Variants in OSBPL1A observed in about 807,000 individuals in gnomAD.
OSBPL1A encodes oxysterol-binding protein-related protein 1.
In OSBPL1A, 80 loss-of-function variants were observed where a neutral mutation model predicts 137.1. That is an observed-to-expected ratio of 0.58 (90% confidence interval 0.49 to 0.70). OSBPL1A has a LOEUF of 0.70. Ranked by LOEUF, OSBPL1A falls within the 30% of genes least tolerant of loss-of-function variation. The probability of loss-of-function intolerance (pLI) is 0.00; values close to 1 mark genes in which losing one functional copy is unlikely to be tolerated. For synonymous variants in OSBPL1A, 365 were observed against 389.7 expected (o/e 0.94, Z 0.75); for missense variants, 970 against 1,129.4 (o/e 0.86, Z 2.02).
At chr18:24,251,189 C>T (rs752596951) in intron 15 of OSBPL1A, among the ~76,000 whole-genome samples, 3 of 152,186 alleles carry the variant, frequency 2.0e-5, no homozygotes, top group East Asian at 3.9e-4. Flanking sequence ...AAACTTGTCA[C>T]CCTGAAAGGA....
At chr18:24,198,528 A>T (rs1567939104) in intron 17 of OSBPL1A, among the ~76,000 whole-genome samples, 1 of 152,172 alleles carries the variant, frequency 6.6e-6, no homozygotes, top group Non-Finnish European at 1.5e-5. Context: ...TTTGAAAGGT[A>T]AACAGCCGTT....
At chr18:24,346,146 G>A (rs144488283) in intron 4 of OSBPL1A, among the ~76,000 whole-genome samples, 159 of 152,280 alleles carry the variant, frequency 1.0e-3, no homozygotes, top group African/African-American at 3.7e-3. Flanking sequence ...AGTTAACACA[G>A]CCGTGAATCA....
At chr18:24,240,549 C>G (rs2088660055) in intron 15 of OSBPL1A, among the ~76,000 whole-genome samples, 1 of 152,120 alleles carries the variant, frequency 6.6e-6, no homozygotes. Flanking sequence ...CCAATGTGCA[C>G]TATAGACAGA....
At chr18:24,253,264 C>T (rs77781688) in intron 15 of OSBPL1A, among the ~76,000 whole-genome samples, 1,747 of 146,830 alleles carry the variant, frequency 0.012, 32 homozygotes, top group African/African-American at 0.042. Flanking sequence ...AGAGTGAAAA[C>T]GAAGGGATAG....
Position 24,163,216 on chromosome 18 carries a change from C to G in OSBPL1A, c.2816G>C (p.Trp939Ser). Residue 939 changes from tryptophan to serine, a missense_variant, in exon 28 of 28, where the codon TGG becomes TCG. By Grantham distance (177) the Trp-to-Ser change is radical. Transcript: ENST00000319481. ...AQDWIYSGSYWDRNYFNLPDI... is the reference protein window; with the variant it reads ...AQDWIYSGSYSDRNYFNLPDI... ...AGGCAAATTGAAGTAATTTCTGTCCCAGTAGCTGCCAGAGTAAATCCAGTC... is the reference window on the plus strand; with the variant it reads ...AGGCAAATTGAAGTAATTTCTGTCCGAGTAGCTGCCAGAGTAAATCCAGTC... The G allele has an allele frequency of 6.2e-7, 1 of 1,613,422 alleles. No homozygotes were observed. The highest frequency in any genetic ancestry group is 8.5e-7 in the Non-Finnish European group (1 of 1,179,550).
At chr18:24,173,167 T>G (rs2086334316) in intron 21 of OSBPL1A, among the ~76,000 whole-genome samples, 1 of 152,164 alleles carries the variant, frequency 6.6e-6, no homozygotes, top group African/African-American at 2.4e-5. Context: ...AAATACCACA[T>G]GTTCTCATTT....
intron 14 of OSBPL1A, among the ~76,000 whole-genome samples, chr18:24,291,794 T>C (rs2090178247): frequency 6.7e-6 from 1 of 149,010 alleles, no homozygotes; most frequent in African/African-American, 2.5e-5. Context: ...AGAGATTGCC[T>C]GTAATTCCAG....
chr18:24,314,435 C>T, intron 11 of OSBPL1A, 88 bp from the exon 12 acceptor site: 1 of 863,692 alleles, frequency 1.2e-6, no homozygotes. Flanking sequence ...AAAGTAGTGA[C>T]ATGACTTAAC....
chr18:24,361,430 A>C (rs1021696560), intron 4 of OSBPL1A, among the ~76,000 whole-genome samples: 3 of 152,208 alleles, frequency 2.0e-5, no homozygotes, highest in African/African-American at 7.2e-5. Flanking sequence ...TTTATCCAAA[A>C]GTTAGTTTCC....
At chr18:24,290,082 G>T (rs574903151) in intron 14 of OSBPL1A, among the ~76,000 whole-genome samples, 8 of 151,930 alleles carry the variant, frequency 5.3e-5, no homozygotes, top group Non-Finnish European at 1.2e-4. Context: ...ATATGTGTTT[G>T]CTTTATACTA....
chr18:24,345,098 A>G (rs1466281196), intron 4 of OSBPL1A, among the ~76,000 whole-genome samples: 4 of 151,930 alleles, frequency 2.6e-5, no homozygotes, highest in Non-Finnish European at 5.9e-5. Flanking sequence ...GACTACAGGC[A>G]TGAGCCACTG....
At chr18:24,311,297 A>T (rs2090616496) in intron 13 of OSBPL1A, among the ~76,000 whole-genome samples, 1 of 152,242 alleles carries the variant, frequency 6.6e-6, no homozygotes, top group African/African-American at 2.4e-5. Flanking sequence ...AGGCAAATTC[A>T]TATATCCTGA....
chr18:24,213,791 T>C (rs901613608), intron 17 of OSBPL1A, among the ~76,000 whole-genome samples: 1 of 152,212 alleles, frequency 6.6e-6, no homozygotes, highest in African/African-American at 2.4e-5. Flanking sequence ...AAGTTAAAAT[T>C]GTATGTACAC....
chr18:24,171,169 G>A (rs1056636837), intron 23 of OSBPL1A, among the ~76,000 whole-genome samples: 4 of 151,918 alleles, frequency 2.6e-5, no homozygotes, highest in South Asian at 2.1e-4. Context: ...CAATGGCTGG[G>A]ATTACAGGTG....
intron 15 of OSBPL1A, among the ~76,000 whole-genome samples, chr18:24,243,635 G>T (rs1233253156): frequency 1.3e-5 from 2 of 152,164 alleles, no homozygotes; most frequent in African/African-American, 2.4e-5. Context: ...AGCTGCTACC[G>T]CATTCACATC....
At chr18:24,260,110 A>G (rs1247808907) in intron 15 of OSBPL1A, among the ~76,000 whole-genome samples, 2 of 152,332 alleles carry the variant, frequency 1.3e-5, no homozygotes, top group Admixed American at 6.5e-5. Context: ...CATAAACACA[A>G]TGAGATACCA....
Position 24,377,503 on chromosome 18 carries a change from G to A in OSBPL1A, c.31C>T (p.His11Tyr). Residue 11 changes from histidine (H) to tyrosine (Y), a missense_variant, in exon 2 of 28, where the codon CAT becomes TAT. His to Tyr is a moderately conservative substitution (Grantham distance 83). Around this residue, in one of 2 missense-constraint regions of OSBPL1A, gnomAD observed 647 missense variants for 672.6 expected, o/e 0.96. Coordinates refer to ENST00000319481, the MANE Select transcript of OSBPL1A (RefSeq NM_080597.4). MNTEAEQQLL[H>Y]HARNGNAEEV... ...TCAGCATTGCCATTTCTGGCGTGATGGAGAAGCTGTTGCTCCGCTTCTGTG... is the reference window on the plus strand; with the variant it reads ...TCAGCATTGCCATTTCTGGCGTGATAGAGAAGCTGTTGCTCCGCTTCTGTG... 6.2e-7 allele frequency: 1 copy of A among 1,610,458 alleles called. No individual in the cohort carries two copies. The highest frequency in any genetic ancestry group is 1.1e-5 in the South Asian group (1 of 89,852).
At chr18:24,164,452 G>A (rs553733050) in intron 27 of OSBPL1A, among the ~76,000 whole-genome samples, 1,269 of 118,258 alleles carry the variant, frequency 0.011, 27 homozygotes, top group African/African-American at 0.042. Flanking sequence ...TTTTTGAGAC[G>A]GAGTCTCGCT....
At chr18:24,259,704 A>G (rs541604527) in intron 15 of OSBPL1A, among the ~76,000 whole-genome samples, 1 of 152,286 alleles carries the variant, frequency 6.6e-6, no homozygotes, top group African/African-American at 2.4e-5. Context: ...TTTGCTTGTT[A>G]GATGGTAATA....
Sources: allele counts gnomAD v4.1 joint callset (sites outside exome capture counted in the v4.1 genomes callset), GRCh38; gene constraint gnomAD v4.1.1; regional missense constraint gnomAD v4.1.1; transcripts MANE v1.5; gene names NCBI Gene and HGNC (gene_info 2026-07-23, HGNC 2026-07-21).